PALM: variants seen among roughly 807,000 people sequenced by gnomAD.
PALM encodes the protein paralemmin.
A neutral mutation model predicts 30.7 loss-of-function variants in PALM; 18 were observed. The ratio of observed to expected loss-of-function variants is 0.59; its 90% CI spans 0.41 to 0.87. The LOEUF is 0.87. Among genes scored for constraint, PALM ranks in the 40% least tolerant of loss-of-function variants. The pLI, the probability that PALM is intolerant of heterozygous loss-of-function variation, is 0.00. For missense variants in PALM, 529 were observed against 555.4 expected, an observed-to-expected ratio of 0.95 and a Z score of 0.48; for synonymous variants, 286 against 242.8, an observed-to-expected ratio of 1.18 and a Z score of -1.66.
rs557459724 is a variant in PALM, at chr19:729,636, A to T, written c.270-1459A>T. Among the ~76,000 whole-genome samples, 59 of 151,522 alleles carry T rather than the reference A, an allele frequency of 3.9e-4. 3 individuals carry two copies. The South Asian group carries it at 0.012, about 31-fold the overall frequency. On this transcript the variant is annotated intron_variant, in intron 4 of 8. Transcript: ENST00000338448. Reference sequence around the variant, plus strand: ...GCCCGCCACGCCTGGCTAATTTTGCATTTTTAGTAGAGACGGGGTTTCACC... The same window carrying T: ...GCCCGCCACGCCTGGCTAATTTTGCTTTTTTAGTAGAGACGGGGTTTCACC...
In PALM at chr19:727,243, C is replaced by T. The variant is rs1009527309; in HGVS notation, c.138+155C>T. Among the ~76,000 whole-genome samples, 215 of 93,522 alleles carry T rather than the reference C, an allele frequency of 2.3e-3. 4 individuals carry two copies. Among genetic ancestry groups the T allele is most frequent in the African/African-American group, 4.6e-3 (120 of 26,006 alleles). The allele number at this position is 93,522 out of a possible 152,430, so 61.4% of individuals were successfully genotyped here. Reference sequence around the variant, plus strand: ...CTGACCCCGACCCTGACCCCGACCCCGACCCCGACCCTGACCCCAACCTGA... The same window carrying T: ...CTGACCCCGACCCTGACCCCGACCCTGACCCCGACCCTGACCCCAACCTGA... On this transcript the variant is annotated intron_variant, in intron 3 of 8. Coordinates refer to ENST00000338448, the MANE Select transcript of PALM (RefSeq NM_002579.3).
intron 7 of PALM, among the ~76,000 whole-genome samples, chr19:740,084 C>T (rs941561085): frequency 3.3e-5 from 5 of 152,236 alleles, no homozygotes; most frequent in African/African-American, 1.2e-4. Context: ...AGTACAGGGA[C>T]GAGGACCATC....
intron 5 of PALM, among the ~76,000 whole-genome samples, chr19:733,777 A>G (rs1389694726): frequency 1.3e-5 from 2 of 152,144 alleles, no homozygotes; most frequent in East Asian, 1.9e-4. Context: ...ACCTGAGGTC[A>G]GGGGATCGAA....
intron 2 of PALM, among the ~76,000 whole-genome samples, chr19:726,781 G>A (rs988948419): frequency 6.6e-6 from 1 of 152,234 alleles, no homozygotes; most frequent in African/African-American, 2.4e-5. Flanking sequence ...GGGATTACAG[G>A]CGTGAGCCAC....
intron 8 of PALM, among the ~76,000 whole-genome samples, chr19:745,927 G>A (rs1296654089): frequency 4.0e-5 from 6 of 151,732 alleles, no homozygotes; most frequent in Admixed American, 2.6e-4. Flanking sequence ...GCGTGGTGGC[G>A]GATTCCTGTA....
intron 4 of PALM, among the ~76,000 whole-genome samples, chr19:729,164 T>A (rs1270563197): frequency 7.7e-6 from 1 of 129,856 alleles, no homozygotes; most frequent in Non-Finnish European, 1.7e-5. Flanking sequence ...CAGTCTCTAC[T>A]AAAAATGCAA....
chr19:719,621 A>T (rs2032390242), intron 1 of PALM: 20 of 986,112 alleles, frequency 2.0e-5, no homozygotes, highest in Non-Finnish European at 2.4e-5. Context: ...GAGCTTTTCC[A>T]CGCCTTTGCC....
At position 709,525 on chromosome 19, in the gene PALM, C is replaced by T. The variant is rs998552090; in HGVS notation, c.5+374C>T. Among the ~76,000 whole-genome samples, 5 of 152,080 alleles carry T rather than the reference C, an allele frequency of 3.3e-5. No individual in the cohort carries two copies. Among genetic ancestry groups the T allele is most frequent in the Non-Finnish European group, 7.4e-5 (5 of 67,978 alleles). ...GGTGGCCCCGGGGAGATGGAGCGAC[C>T]CCTCCCCAGATTGCACCGGTCCGGC... On this transcript the variant is annotated intron_variant, in intron 1 of 8. Coordinates refer to ENST00000338448, the MANE Select transcript of PALM (RefSeq NM_002579.3). This position sits in a 1 kb window ranked among gnomAD's most constrained non-coding sequence, Gnocchi z 4.3.
chr19:725,641 G>A (rs561684500), intron 1 of PALM, among the ~76,000 whole-genome samples: 7 of 152,306 alleles, frequency 4.6e-5, no homozygotes, highest in South Asian at 4.1e-4. Flanking sequence ...GTGCGTCCTT[G>A]GGAGGCTCGT....
At chr19:737,815 G>C (rs1257245042) in intron 7 of PALM, among the ~76,000 whole-genome samples, 1 of 152,146 alleles carries the variant, frequency 6.6e-6, no homozygotes, top group East Asian at 1.9e-4. Flanking sequence ...AGATGATGGA[G>C]AGATTGTTGA....
At chr19:726,393 C>T (rs553102159) in intron 2 of PALM, among the ~76,000 whole-genome samples, 38 of 152,334 alleles carry the variant, frequency 2.5e-4, no homozygotes, top group African/African-American at 8.2e-4. Flanking sequence ...CCCCCGGCCT[C>T]GCTCTGCCTG....
chr19:719,451 G>A, intron 1 of PALM: 2 of 985,402 alleles, frequency 2.0e-6, no homozygotes, highest in Non-Finnish European at 2.4e-6. Context: ...GGGGACGGGA[G>A]GCCTGTGCGC....
chr19:736,557 TG>T (rs2033030326), intron 7 of PALM, among the ~76,000 whole-genome samples: 1 of 151,806 alleles, frequency 6.6e-6, no homozygotes. Context: ...CAGGGGAAGG[TG>T]GGGGTTGACG....
At chr19:735,068 A>G (rs2032981972) in intron 6 of PALM, 2 of 987,742 alleles carry the variant, frequency 2.0e-6, no homozygotes, top group East Asian at 1.1e-4. Context: ...ATGAACTGTG[A>G]GGCTGCCTGT....
intron 1 of PALM, among the ~76,000 whole-genome samples, chr19:720,151 GC>G (rs567150015): frequency 2.1e-4 from 31 of 151,122 alleles, no homozygotes; most frequent in Admixed American, 9.9e-4. Flanking sequence ...CGAAGCCTCG[GC>G]CCCCCCCAAT....
intron 8 of PALM, among the ~76,000 whole-genome samples, chr19:745,921 G>T (rs1382724558): frequency 6.6e-6 from 1 of 151,936 alleles, no homozygotes; most frequent in East Asian, 1.9e-4. Context: ...AGCTGGGCGT[G>T]GTGGCGGATT....
chr19:746,709 G>A lies in PALM; in HGVS notation c.1059G>A (p.Glu353=), dbSNP rs767901732. ...PNGSAAEPPT[E]AASREENQAG... is the part of the protein sequence containing the mutation. ...GCAGTGCTGCCGAGCCTCCCACGGA[G>A]GCCGCCTCCAGGGAAGAGAATCAGG... The change falls in exon 9 of 9, where the codon GAG becomes GAA. Residue 353 remains glutamate (E), a synonymous_variant. Coordinates refer to ENST00000338448, the MANE Select transcript of PALM (RefSeq NM_002579.3). The surrounding 1 kb of genome is among the most constrained non-coding windows in gnomAD (Gnocchi z 7.1). The A allele has an allele frequency of 4.4e-6, 7 of 1,608,494 alleles. No individual in the cohort carries two copies. In the Admixed American group the frequency reaches 1.2e-4, roughly 27 times the overall value.
At position 709,210 on chromosome 19, in the gene PALM, G is replaced by T. The variant is rs1360972199; in HGVS notation, c.5+59G>T. ...GCCCGGAGCTCCGGGAGCCGGGGAG[G>T]GGGGAGGCCCCCTCTCTCGCGCCCC... On this transcript the variant is annotated intron_variant, in intron 1 of 8. Coordinates refer to ENST00000338448, the MANE Select transcript of PALM (RefSeq NM_002579.3). This position sits in a 1 kb window ranked among gnomAD's most constrained non-coding sequence, Gnocchi z 4.3. 8 of 308,596 alleles carry T rather than the reference G, an allele frequency of 2.6e-5. No individual in the cohort carries two copies. Among genetic ancestry groups the T allele is most frequent in the Non-Finnish European group, 4.2e-5 (7 of 167,840 alleles). 19.1% of individuals were successfully genotyped at this position (308,596 alleles called of 1,614,324 possible). A position where few individuals can be genotyped will look rare whatever the true frequency, so the allele number is the denominator to read the frequency against.
At chr19:729,023 A>T (rs994818182) in intron 4 of PALM, among the ~76,000 whole-genome samples, 1 of 151,250 alleles carries the variant, frequency 6.6e-6, no homozygotes, top group African/African-American at 2.4e-5. Flanking sequence ...ATAAATAAAT[A>T]AAAATAAAGG....
Sources: allele counts gnomAD v4.1 joint callset (sites outside exome capture counted in the v4.1 genomes callset), GRCh38; gene constraint gnomAD v4.1.1; non-coding constraint Gnocchi (gnomAD v3.1); transcripts MANE v1.5; gene names NCBI Gene and HGNC (gene_info 2026-07-23, HGNC 2026-07-21).